The following CMIP variants were observed in gnomAD, a reference collection of about 807,000 sequenced individuals.
CMIP encodes the protein c-Maf inducing protein, also known as C-Maf-inducing protein.
CMIP carries 13 observed loss-of-function variants against 97.3 expected under a neutral mutation model. The observed-to-expected ratio is 0.13, with a 90% CI of 0.09 to 0.21. CMIP has a LOEUF of 0.21. Among genes scored for constraint, CMIP ranks in the 10% least tolerant of loss-of-function variants. The pLI, the probability that CMIP is intolerant of heterozygous loss-of-function variation, is 1.00. For missense variants in CMIP, 847 were observed against 1,024.9 expected (o/e 0.83, Z 2.37); for synonymous variants, 538 against 436.3 (o/e 1.23, Z -2.91).
At chr16:81,560,938 A>G (rs898357323) in intron 1 of CMIP, among the ~76,000 whole-genome samples, 2 of 152,150 alleles carry the variant, frequency 1.3e-5, no homozygotes, top group East Asian at 1.9e-4. Flanking sequence ...CTCAGAACCT[A>G]TCCCCATTGT....
At chr16:81,544,604 G>C (rs1261052699) in intron 1 of CMIP, among the ~76,000 whole-genome samples, 1 of 151,596 alleles carries the variant, frequency 6.6e-6, no homozygotes, top group Non-Finnish European at 1.5e-5. Context: ...CAGGGTGCCA[G>C]GACCACCACA....
At chr16:81,610,958 T>C (rs2091822026) in intron 2 of CMIP, among the ~76,000 whole-genome samples, 1 of 151,826 alleles carries the variant, frequency 6.6e-6, no homozygotes, top group Non-Finnish European at 1.5e-5. Context: ...TGCTCCAGGG[T>C]GGGAGAGGGG....
chr16:81,667,544 C>G (rs974917547), intron 7 of CMIP, among the ~76,000 whole-genome samples: 3 of 152,158 alleles, frequency 2.0e-5, no homozygotes, highest in African/African-American at 4.8e-5. Flanking sequence ...ATTCAAAAAT[C>G]TAATAGCTAA....
chr16:81,571,927 C>G (rs895495299), intron 1 of CMIP, among the ~76,000 whole-genome samples: 1 of 152,236 alleles, frequency 6.6e-6, no homozygotes, highest in Non-Finnish European at 1.5e-5. Flanking sequence ...CAGCCCTTTC[C>G]TCTGCCCCCA....
At chr16:81,519,999 A>G (rs1385805321) in intron 1 of CMIP, 1 of 152,604 alleles carries the variant, frequency 6.6e-6, no homozygotes, top group Non-Finnish European at 1.5e-5. Flanking sequence ...TAAAGCTGTC[A>G]TTACGCTGGC....
intron 1 of CMIP, among the ~76,000 whole-genome samples, chr16:81,509,187 C>T (rs933092765): frequency 6.6e-6 from 1 of 152,194 alleles, no homozygotes; most frequent in Admixed American, 6.5e-5. Flanking sequence ...GTGTGGCAGA[C>T]CTCCTGTGTC....
chr16:81,656,662 C>T (rs1312271044), intron 4 of CMIP, among the ~76,000 whole-genome samples: 2 of 152,194 alleles, frequency 1.3e-5, no homozygotes, highest in East Asian at 3.9e-4. Flanking sequence ...TTTTTAGAGA[C>T]AGTCTCGCTC....
At position 81,655,015 on chromosome 16, in the gene CMIP, A is replaced by C. The variant is rs1195053895; in HGVS notation, c.639+2651A>C. ...TAAATTGGGTCTGAGACGAGTACCT[A>C]TTTCACAGAATTGAAGATGCGATCC... On this transcript the variant is annotated intron_variant, in intron 4 of 20. Transcript: ENST00000537098. The surrounding 1 kb of genome is among the most constrained non-coding windows in gnomAD (Gnocchi z 4.9). Among the ~76,000 whole-genome samples the C allele has an allele frequency of 6.6e-6, 1 of 152,172 alleles. No individual in the cohort carries two copies. The highest frequency in any genetic ancestry group is 2.1e-4 in the South Asian group (1 of 4,828).
chr16:81,618,110 G>T (rs1171987342), intron 2 of CMIP, among the ~76,000 whole-genome samples: 2 of 152,172 alleles, frequency 1.3e-5, no homozygotes, highest in Non-Finnish European at 2.9e-5. Flanking sequence ...TCCTATTGCT[G>T]CTGTGACTGC....
At chr16:81,530,733 G>A (rs2925986) in intron 1 of CMIP, among the ~76,000 whole-genome samples, 133,492 of 152,214 alleles carry the variant, frequency 0.88, 58,756 homozygotes, top group African/African-American at 0.94. Context: ...GTCACCGAGT[G>A]TCAGAGCTTC....
intron 3 of CMIP, chr16:81,631,410 C>T (rs772285958): frequency 2.0e-5 from 3 of 152,268 alleles, no homozygotes; most frequent in African/African-American, 7.2e-5. Flanking sequence ...TTGGAAGAGA[C>T]ACAGGACGTT....
chr16:81,667,722 G>C (rs1302428552), intron 7 of CMIP, among the ~76,000 whole-genome samples: 1 of 145,960 alleles, frequency 6.9e-6, no homozygotes, highest in East Asian at 2.3e-4. Context: ...TTGTGAGGCA[G>C]AGGCCTCATT....
rs147579491 is a variant in CMIP at position 81,621,240 on chromosome 16, G to C, written c.477+314G>C. ...ACCCTGAGGGGAGTCCAGCCGGGGA[G>C]GCTGGACTTCAGGGGCTCAAGATGC... On this transcript the variant is annotated intron_variant, in intron 3 of 20. Coordinates refer to ENST00000537098, the MANE Select transcript of CMIP (RefSeq NM_198390.3). This position sits in a 1 kb window ranked among gnomAD's most constrained non-coding sequence, Gnocchi z 4.1. 4.3e-6 allele frequency: 1 copy of C among 230,714 alleles called. No homozygotes were observed. Among genetic ancestry groups the C allele is most frequent in the Non-Finnish European group, 8.6e-6 (1 of 116,378 alleles). 14.3% of individuals were successfully genotyped at this position (230,714 alleles called of 1,614,324 possible). A position where few individuals can be genotyped will look rare whatever the true frequency, so the allele number is the denominator to read the frequency against.
intron 2 of CMIP, chr16:81,617,097 T>G (rs2091929272): frequency 6.6e-6 from 1 of 152,332 alleles, no homozygotes; most frequent in Non-Finnish European, 1.5e-5. Flanking sequence ...AAGCCACAGT[T>G]GTGGAAATGC....
intron 1 of CMIP, among the ~76,000 whole-genome samples, chr16:81,549,797 T>TGC (rs1337802616): frequency 6.6e-6 from 1 of 152,222 alleles, no homozygotes; most frequent in Admixed American, 6.5e-5. Flanking sequence ...TGAAGGCAAC[T>TGC]GCGCGTTCTC....
At chr16:81,547,053 C>A (rs2090560449) in intron 1 of CMIP, among the ~76,000 whole-genome samples, 1 of 152,100 alleles carries the variant, frequency 6.6e-6, no homozygotes, top group African/African-American at 2.4e-5. Flanking sequence ...CAGTACAGGG[C>A]AGTCTGGGCT....
chr16:81,537,460 G>T (rs2090364090), intron 1 of CMIP, among the ~76,000 whole-genome samples: 1 of 150,190 alleles, frequency 6.7e-6, no homozygotes, highest in Admixed American at 6.7e-5. Context: ...GCTTGAACCT[G>T]GGAGGCAGAG....
At chr16:81,626,786 AGAGTGTGTGTGT>A (rs1270810770) in intron 3 of CMIP, among the ~76,000 whole-genome samples, 3,103 of 102,578 alleles carry the variant, frequency 0.03, 200 homozygotes, top group African/African-American at 0.11. Flanking sequence ...AGAGAGAGAG[AGAGTGTGTGTGT>A]GTGTGTGTGT....
In CMIP at chr16:81,686,232, A is replaced by G. The variant is rs574173352; in HGVS notation, c.1389-5543A>G. ...ATGAGTCAGGGACAGGTGGGAGGAA[A>G]GGAGGAAGGTGATTCTTCTGGAGGG... On this transcript the variant is annotated intron_variant, in intron 10 of 20. Transcript: ENST00000537098. 5.3e-5 allele frequency among the ~76,000 whole-genome samples: 8 copies of G among 152,314 alleles called. No homozygotes were observed. In the South Asian group the frequency reaches 1.4e-3, roughly 28 times the overall value.
Sources: allele counts gnomAD v4.1 joint callset (sites outside exome capture counted in the v4.1 genomes callset), GRCh38; gene constraint gnomAD v4.1.1; non-coding constraint Gnocchi (gnomAD v3.1); transcripts MANE v1.5; gene names NCBI Gene and HGNC (gene_info 2026-07-23, HGNC 2026-07-21).